DLGAP4: variants seen among roughly 807,000 people sequenced by gnomAD.
DLGAP4 encodes the protein DLG associated protein 4.
In DLGAP4, 18 loss-of-function variants were observed where a neutral mutation model predicts 86.9. The ratio of observed to expected loss-of-function variants is 0.21; its 90% CI spans 0.14 to 0.31. The LOEUF (loss-of-function observed/expected upper bound fraction) is 0.31. Ranked by LOEUF, DLGAP4 falls within the 10% of genes least tolerant of loss-of-function variation. DLGAP4 has a pLI of 1.00. For synonymous variants in DLGAP4, 548 were observed against 574.3 expected (o/e 0.95, Z 0.65); for missense variants, 1,085 against 1,362.6 (o/e 0.80, Z 3.21).
chr20:36,360,636 T>C (rs1169201482), intron 1 of DLGAP4, among the ~76,000 whole-genome samples: 1 of 113,942 alleles, frequency 8.8e-6, no homozygotes. Context: ...GCTGGAAGGG[T>C]GGGGGGAGTA....
chr20:36,422,368 G>T (rs2032854516), intron 2 of DLGAP4, among the ~76,000 whole-genome samples: 1 of 152,150 alleles, frequency 6.6e-6, no homozygotes, highest in Non-Finnish European at 1.5e-5. Flanking sequence ...ACAGAAGTAG[G>T]CTTTCTGGTA....
intron 7 of DLGAP4, among the ~76,000 whole-genome samples, chr20:36,495,034 C>T (rs950505070): frequency 1.8e-5 from 2 of 111,428 alleles, no homozygotes; most frequent in Non-Finnish European, 3.5e-5. Context: ...CTCTTATTGC[C>T]TAGGCTGGAG....
intron 2 of DLGAP4, among the ~76,000 whole-genome samples, chr20:36,423,087 T>C (rs2032872409): frequency 6.6e-6 from 1 of 152,002 alleles, no homozygotes; most frequent in Non-Finnish European, 1.5e-5. Context: ...AAGCCCCCCA[T>C]TGCCTAGAGG....
chr20:36,323,126 C>T (rs2065185010), intron 1 of DLGAP4, among the ~76,000 whole-genome samples: 1 of 139,284 alleles, frequency 7.2e-6, no homozygotes, highest in East Asian at 2.2e-4. Context: ...TGCAGTGAGC[C>T]ATGTTCTCAC....
At chr20:36,353,011 G>C (rs1247968053) in intron 1 of DLGAP4, among the ~76,000 whole-genome samples, 3 of 152,196 alleles carry the variant, frequency 2.0e-5, no homozygotes, top group African/African-American at 7.2e-5. Flanking sequence ...CGTCCACTGT[G>C]TGGCCTTGCT....
In DLGAP4 at chr20:36,500,316, C is replaced by T. The variant is rs1257589744; in HGVS notation, c.2217C>T (p.His739=). ...SERSLPDCTP[H]PNSISIDAGP... is the part of the protein sequence containing the mutation. ...GGAGCCTCCCGGACTGTACCCCTCA[C>T]CCCAACTCCATCAGCATCGATGCCG... Residue 739 remains histidine (H), a synonymous_variant, in exon 10 of 13, where the codon CAC becomes CAT. Transcript: ENST00000339266. This position sits in a 1 kb window ranked among gnomAD's most constrained non-coding sequence, Gnocchi z 4.6. 6.2e-7 allele frequency: 1 copy of T among 1,613,954 alleles called. No individual in the cohort carries two copies. The highest frequency in any genetic ancestry group is 8.5e-7 in the Non-Finnish European group (1 of 1,179,946).
chr20:36,410,579 A>T (rs928868476), intron 2 of DLGAP4, among the ~76,000 whole-genome samples: 9 of 152,212 alleles, frequency 5.9e-5, no homozygotes, highest in Admixed American at 1.3e-4. Context: ...GGGCCTCAGG[A>T]AGCTTCCAAT....
intron 2 of DLGAP4, among the ~76,000 whole-genome samples, chr20:36,396,339 A>ACG (rs2031953322): frequency 0.091 from 45 of 494 alleles, no homozygotes; most frequent in Non-Finnish European, 0.13. Context: ...ACACACACGC[A>ACG]CACACACACA....
At chr20:36,341,089 G>T (rs1034952305) in intron 1 of DLGAP4, among the ~76,000 whole-genome samples, 2 of 152,202 alleles carry the variant, frequency 1.3e-5, no homozygotes, top group African/African-American at 4.8e-5. Flanking sequence ...GGCCAGAGAG[G>T]GCACTTGCTT....
rs759484859 is a variant in DLGAP4 at position 36,350,174 on chromosome 20, G to A, written c.-303-16871G>A. On this transcript the variant is annotated intron_variant, in intron 1 of 12. Coordinates refer to ENST00000339266, the MANE Select transcript of DLGAP4 (RefSeq NM_001365621.2). The surrounding 1 kb of genome is among the most constrained non-coding windows in gnomAD (Gnocchi z 4.4). The stretch of plus-strand genomic sequence containing the variant: ...CTGCACAGGGACCCAGAAGGCTGGC[G>A]GGTGCCAAGCCTGGATCGTCCCCCG... Among the ~76,000 whole-genome samples the A allele has an allele frequency of 2.6e-5, 4 of 152,210 alleles. No homozygotes were observed. The highest frequency in any genetic ancestry group is 1.3e-4 in the Admixed American group (2 of 15,288).
At chr20:36,478,000 C>T (rs1353907945) in intron 7 of DLGAP4, among the ~76,000 whole-genome samples, 1 of 152,148 alleles carries the variant, frequency 6.6e-6, no homozygotes, top group East Asian at 1.9e-4. Flanking sequence ...TTTGCTTTTC[C>T]GTCTTACTGG....
chr20:36,499,377 G>A lies in DLGAP4; in HGVS notation c.2011-211G>A, dbSNP rs1352423571. ...CCACCTCCCGCCCACCTGCCCGCCC[G>A]CCCGCCTGCCCGCCTCCACGCGAAT... is the stretch of plus-strand genomic sequence containing the variant. On this transcript the variant is annotated intron_variant, in intron 8 of 12. Coordinates refer to ENST00000339266, the MANE Select transcript of DLGAP4 (RefSeq NM_001365621.2). 25 of 840,504 alleles carry A rather than the reference G, an allele frequency of 3.0e-5. No homozygotes were observed. The African/African-American group carries it at 5.4e-4, about 18-fold the overall frequency. 52.1% of individuals were successfully genotyped at this position (840,504 alleles called of 1,614,324 possible).
intron 2 of DLGAP4, among the ~76,000 whole-genome samples, chr20:36,402,610 T>C (rs775494419): frequency 6.6e-6 from 1 of 152,016 alleles, no homozygotes; most frequent in Non-Finnish European, 1.5e-5. Context: ...TAGCTGGACA[T>C]GGTGGTGCAT....
intron 1 of DLGAP4, among the ~76,000 whole-genome samples, chr20:36,318,673 C>A (rs2065135980): frequency 6.6e-6 from 1 of 152,138 alleles, no homozygotes; most frequent in African/African-American, 2.4e-5. Flanking sequence ...TGCACCCAGC[C>A]CTGGCCCAGG....
intron 7 of DLGAP4, among the ~76,000 whole-genome samples, chr20:36,488,581 AT>A (rs1305568541): frequency 4.7e-3 from 677 of 142,812 alleles, no homozygotes; most frequent in Non-Finnish European, 4.1e-3. Flanking sequence ...CTGTTGAAAG[AT>A]TTTTTTTTTT....
intron 7 of DLGAP4, among the ~76,000 whole-genome samples, chr20:36,486,760 G>A (rs567201781): frequency 5.9e-5 from 9 of 152,180 alleles, no homozygotes; most frequent in African/African-American, 1.7e-4. Context: ...ACAGGCCTGC[G>A]CCACCACACC....
At chr20:36,480,783 A>T (rs2035150615) in intron 7 of DLGAP4, among the ~76,000 whole-genome samples, 1 of 152,110 alleles carries the variant, frequency 6.6e-6, no homozygotes. Flanking sequence ...AGGTGGAAAA[A>T]TTGCTTAAGC....
chr20:36,480,743 C>T (rs1369190517), intron 7 of DLGAP4, among the ~76,000 whole-genome samples: 1 of 152,008 alleles, frequency 6.6e-6, no homozygotes. Flanking sequence ...GGTAACTCAA[C>T]GCCTGTAATC....
intron 7 of DLGAP4, among the ~76,000 whole-genome samples, chr20:36,479,981 A>G (rs560773409): frequency 6.6e-6 from 1 of 152,202 alleles, no homozygotes; most frequent in African/African-American, 2.4e-5. Context: ...AGGCAATTGT[A>G]ATGACAGTTC....
Sources: gnomAD v4.1 joint callset for allele counts (sites outside exome capture counted in the v4.1 genomes callset) on GRCh38, gnomAD v4.1.1 for gene constraint, Gnocchi (gnomAD v3.1) non-coding constraint, MANE v1.5 for transcripts, NCBI Gene and HGNC (gene_info 2026-07-23, HGNC 2026-07-21) for gene names.